Variants in MAP3K5 observed in about 807,000 individuals in gnomAD.
MAP3K5 encodes mitogen-activated protein kinase kinase kinase 5.
MAP3K5 carries 56 observed loss-of-function variants against 158.7 expected under a neutral mutation model. The ratio of observed to expected loss-of-function variants is 0.35; its 90% CI spans 0.28 to 0.44. The LOEUF (loss-of-function observed/expected upper bound fraction) is 0.44. Ranked by LOEUF, MAP3K5 falls within the 20% of genes least tolerant of loss-of-function variation. The pLI is 1.00. For synonymous variants in MAP3K5, 579 were observed against 601.7 expected (o/e 0.96, Z 0.55); for missense variants, 1,294 against 1,674.8 (o/e 0.77, Z 3.97).
intron 14 of MAP3K5, among the ~76,000 whole-genome samples, chr6:136,624,398 A>G (rs1204018787): frequency 1.2e-4 from 18 of 152,254 alleles, no homozygotes; most frequent in Admixed American, 1.2e-3. Context: ...TCTTTTAGAA[A>G]GGAATATATC....
intron 20 of MAP3K5, 90 bp from the exon 21 acceptor site, chr6:136,601,132 G>T: frequency 8.2e-7 from 1 of 1,217,752 alleles, no homozygotes; most frequent in Non-Finnish European, 1.2e-6. Flanking sequence ...TGCCTGAAAT[G>T]GGGTCAATGT....
chr6:136,665,605 CA>C (rs1779195948), intron 8 of MAP3K5, among the ~76,000 whole-genome samples: 1 of 152,180 alleles, frequency 6.6e-6, no homozygotes, highest in Non-Finnish European at 1.5e-5. Context: ...CTCCGCCTCC[CA>C]AAGTGCTGGG....
At chr6:136,585,100 TTTTTG>T (rs1488210568) in intron 23 of MAP3K5, among the ~76,000 whole-genome samples, 2 of 119,308 alleles carry the variant, frequency 1.7e-5, no homozygotes, top group East Asian at 6.6e-4. Flanking sequence ...TGATTTTTTC[TTTTTG>T]TTTTTTTTTT....
intron 14 of MAP3K5, among the ~76,000 whole-genome samples, chr6:136,627,807 G>T (rs898691480): frequency 4.6e-5 from 7 of 152,170 alleles, no homozygotes; most frequent in Non-Finnish European, 8.8e-5. Context: ...CCAGCCTAAG[G>T]CATTTTGTTA....
At chr6:136,570,207 C>T (rs1037080217) in intron 25 of MAP3K5, among the ~76,000 whole-genome samples, 4 of 152,296 alleles carry the variant, frequency 2.6e-5, no homozygotes, top group Non-Finnish European at 5.9e-5. Flanking sequence ...GCAAGGTCAC[C>T]AAAGGCCTGC....
chr6:136,733,628 A>G (rs933842521), intron 1 of MAP3K5, among the ~76,000 whole-genome samples: 1 of 152,114 alleles, frequency 6.6e-6, no homozygotes, highest in Non-Finnish European at 1.5e-5. Flanking sequence ...AAAACAAACA[A>G]AAAAAACCTT....
intron 2 of MAP3K5, among the ~76,000 whole-genome samples, chr6:136,708,864 A>T (rs1170233037): frequency 6.6e-6 from 1 of 152,196 alleles, no homozygotes; most frequent in African/African-American, 2.4e-5. Context: ...AGCAAACCAT[A>T]CGCTTGCAAA....
chr6:136,669,143 G>C (rs188761783), intron 8 of MAP3K5, 140 bp downstream of exon 8: 2 of 668,626 alleles, frequency 3.0e-6, no homozygotes, highest in Non-Finnish European at 5.3e-6. Flanking sequence ...CAAACAAGGA[G>C]ATATAATAAG....
At chr6:136,723,716 C>T (rs1363439601) in intron 1 of MAP3K5, among the ~76,000 whole-genome samples, 1 of 152,066 alleles carries the variant, frequency 6.6e-6, no homozygotes, top group Non-Finnish European at 1.5e-5. Context: ...GTCTAATGAG[C>T]ATGAAATTAG....
At position 136,730,153 on chromosome 6, in the gene MAP3K5, G is replaced by T. The variant is rs1254374031; in HGVS notation, c.449-9564C>A. Reference sequence around the variant, plus strand: ...ATACCTGTTTTTTTGTTGTTTGGTTGTTTTTTTTTTTTTGTTTTTTGTTTT... The same window carrying T: ...ATACCTGTTTTTTTGTTGTTTGGTTTTTTTTTTTTTTTTGTTTTTTGTTTT... On this transcript the variant is annotated intron_variant, in intron 1 of 29. Coordinates refer to ENST00000359015, the MANE Select transcript of MAP3K5 (RefSeq NM_005923.4). Among the ~76,000 whole-genome samples the T allele has an allele frequency of 1.1e-4, 15 of 133,384 alleles. No individual in the cohort carries two copies. The East Asian group carries it at 1.9e-3, about 17-fold the overall frequency. The allele number at this position is 133,384 out of a possible 152,430, so 87.5% of individuals were successfully genotyped here.
At chr6:136,744,808 C>T (rs1026324278) in intron 1 of MAP3K5, among the ~76,000 whole-genome samples, 9 of 152,138 alleles carry the variant, frequency 5.9e-5, no homozygotes, top group Admixed American at 2.6e-4. Flanking sequence ...GCCCAGAGAT[C>T]CTAATTTACT....
intron 7 of MAP3K5, among the ~76,000 whole-genome samples, chr6:136,671,162 A>G (rs1779467059): frequency 1.3e-5 from 2 of 152,196 alleles, no homozygotes; most frequent in Admixed American, 1.3e-4. Flanking sequence ...TTTCCCTGAA[A>G]CCAAAGAACA....
chr6:136,771,065 C>T (rs915423366), intron 1 of MAP3K5, among the ~76,000 whole-genome samples: 1 of 152,198 alleles, frequency 6.6e-6, no homozygotes, highest in Non-Finnish European at 1.5e-5. Context: ...TATGAAAGTA[C>T]GTTTGAGGCT....
At chr6:136,650,628 C>T (rs1403868143) in intron 11 of MAP3K5, among the ~76,000 whole-genome samples, 1 of 152,178 alleles carries the variant, frequency 6.6e-6, no homozygotes, top group Non-Finnish European at 1.5e-5. Flanking sequence ...TGACAGGCTT[C>T]CTAAAATTAA....
intron 2 of MAP3K5, among the ~76,000 whole-genome samples, chr6:136,707,061 A>G (rs1411175766): frequency 6.6e-6 from 1 of 152,184 alleles, no homozygotes; most frequent in Non-Finnish European, 1.5e-5. Context: ...AGGCTGGGGC[A>G]GGAGGATCAC....
chr6:136,608,387 A>G (rs1454374862), intron 18 of MAP3K5, among the ~76,000 whole-genome samples: 1 of 152,134 alleles, frequency 6.6e-6, no homozygotes, highest in Non-Finnish European at 1.5e-5. Flanking sequence ...GTGAAGCAGG[A>G]GCACAGTTGG....
chr6:136,717,146 G>A (rs1019333910), intron 2 of MAP3K5, among the ~76,000 whole-genome samples: 6 of 150,724 alleles, frequency 4.0e-5, no homozygotes, highest in Non-Finnish European at 7.4e-5. Flanking sequence ...AAAGTGTAAT[G>A]ATCATCTTCT....
intron 1 of MAP3K5, among the ~76,000 whole-genome samples, chr6:136,786,002 G>C (rs1038053305): frequency 9.9e-5 from 15 of 152,146 alleles, no homozygotes; most frequent in Admixed American, 6.5e-5. Flanking sequence ...CATTTAACCT[G>C]AATGAATGAA....
At chr6:136,561,470 G>A in intron 28 of MAP3K5, 63 bp downstream of exon 28, 2 of 1,191,196 alleles carry the variant, frequency 1.7e-6, no homozygotes, top group Admixed American at 3.4e-5. Context: ...CTGTCACATA[G>A]CAGGCACCCA....
Sources: allele counts gnomAD v4.1 joint callset (sites outside exome capture counted in the v4.1 genomes callset), GRCh38; gene constraint gnomAD v4.1.1; transcripts MANE v1.5; gene names NCBI Gene and HGNC (gene_info 2026-07-23, HGNC 2026-07-21).